The following ARID4A variants were observed in gnomAD, a reference collection of about 807,000 sequenced individuals.
ARID4A encodes AT-rich interaction domain 4A, also known as AT-rich interactive domain-containing protein 4A.
Under a neutral mutation model 148.6 loss-of-function variants are expected in ARID4A, and 39 were observed. The observed-to-expected ratio is 0.26, with a 90% CI of 0.20 to 0.34. The LOEUF (loss-of-function observed/expected upper bound fraction) is 0.34. Ranked by LOEUF, ARID4A falls within the 10% of genes least tolerant of loss-of-function variation. ARID4A has a pLI of 1.00. For synonymous variants in ARID4A, 475 were observed against 481.2 expected (o/e 0.99, Z 0.17); for missense variants, 1,265 against 1,449.1 (o/e 0.87, Z 2.06).
intron 11 of ARID4A, among the ~76,000 whole-genome samples, chr14:58,341,155 C>T (rs1407754699): frequency 3.3e-5 from 5 of 152,128 alleles, no homozygotes; most frequent in East Asian, 1.9e-4. Flanking sequence ...TTCAGGCATG[C>T]GTTCTCTTCC....
chr14:58,338,687 A>G lies in ARID4A; in HGVS notation c.907-6008A>G, dbSNP rs181950444. Reference sequence around the variant, plus strand: ...AAGAGGGCCAGAAGAGGGACTATAGACAGCATCATAAAGAAATTTAAATTT... The same window carrying G: ...AAGAGGGCCAGAAGAGGGACTATAGGCAGCATCATAAAGAAATTTAAATTT... On this transcript the variant is annotated intron_variant, in intron 11 of 23. Coordinates refer to ENST00000355431, the MANE Select transcript of ARID4A (RefSeq NM_002892.4). Among the ~76,000 whole-genome samples, 8 of 152,226 alleles carry G rather than the reference A, an allele frequency of 5.3e-5. No individual in the cohort carries two copies. In the East Asian group the frequency reaches 1.5e-3, roughly 29 times the overall value.
At chr14:58,312,375 C>G (rs1281396151) in intron 5 of ARID4A, among the ~76,000 whole-genome samples, 1 of 152,092 alleles carries the variant, frequency 6.6e-6, no homozygotes, top group Non-Finnish European at 1.5e-5. Flanking sequence ...TACCATCACC[C>G]TGGCTAATTT....
At chr14:58,370,422 G>A (rs967385284) in intron 23 of ARID4A, among the ~76,000 whole-genome samples, 3 of 151,992 alleles carry the variant, frequency 2.0e-5, no homozygotes, top group Non-Finnish European at 2.9e-5. Context: ...TCAGCCTCCC[G>A]GGTAGCTGGG....
chr14:58,327,184 C>T (rs897248643), intron 8 of ARID4A, among the ~76,000 whole-genome samples: 2 of 152,192 alleles, frequency 1.3e-5, no homozygotes, highest in Non-Finnish European at 2.9e-5. Flanking sequence ...GCACCAGCCA[C>T]ATTTCAAGTG....
chr14:58,317,789 C>T (rs1376633847), intron 5 of ARID4A, among the ~76,000 whole-genome samples: 17 of 151,824 alleles, frequency 1.1e-4, no homozygotes, highest in South Asian at 2.1e-4. Context: ...TGAGCCACCA[C>T]GCCTGCCCTA....
At chr14:58,345,134 C>T (rs2034297993) in intron 12 of ARID4A, among the ~76,000 whole-genome samples, 3 of 152,168 alleles carry the variant, frequency 2.0e-5, no homozygotes, top group Admixed American at 2.0e-4. Context: ...TTACCTCTGC[C>T]TCCCAAAGTG....
intron 3 of ARID4A, among the ~76,000 whole-genome samples, chr14:58,303,955 C>T (rs1243618833): frequency 6.6e-6 from 1 of 151,472 alleles, no homozygotes; most frequent in Non-Finnish European, 1.5e-5. Flanking sequence ...AGTAAAAATA[C>T]AAAAAATTAG....
intron 7 of ARID4A, among the ~76,000 whole-genome samples, chr14:58,321,187 A>G (rs1227912461): frequency 6.6e-6 from 1 of 152,178 alleles, no homozygotes; most frequent in Non-Finnish European, 1.5e-5. Flanking sequence ...CTTTGAGACT[A>G]TTTAAATATT....
intron 19 of ARID4A, among the ~76,000 whole-genome samples, chr14:58,363,374 T>A (rs947072415): frequency 6.6e-6 from 1 of 152,190 alleles, no homozygotes; most frequent in Non-Finnish European, 1.5e-5. Context: ...TTAAGAATAT[T>A]TAAAGTTTTG....
At chr14:58,299,887 C>T (rs1269574171) in intron 2 of ARID4A, 27 bp downstream of exon 2, 2 of 1,614,160 alleles carry the variant, frequency 1.2e-6, no homozygotes, top group East Asian at 4.5e-5. Context: ...CTGCCCCGAT[C>T]CTCGCGCCCT....
chr14:58,310,080 A>C (rs2031905764), intron 5 of ARID4A, among the ~76,000 whole-genome samples: 1 of 152,218 alleles, frequency 6.6e-6, no homozygotes, highest in Admixed American at 6.5e-5. Context: ...AAACAAAAAA[A>C]AGTGTTTAAT....
Position 58,341,843 on chromosome 14 carries a change from G to A in ARID4A, c.907-2852G>A, listed in dbSNP as rs368164765. 3.9e-5 allele frequency among the ~76,000 whole-genome samples: 6 copies of A among 152,292 alleles called. 1 individual carries two copies. The highest frequency in any genetic ancestry group is 2.4e-5 in the African/African-American group (1 of 41,562). Reference sequence around the variant, plus strand: ...TTGGATCTCTGGCATTTTACTGGGTGCATAGTTATTCTTTACATGTATAAA... The same window carrying A: ...TTGGATCTCTGGCATTTTACTGGGTACATAGTTATTCTTTACATGTATAAA... On this transcript the variant is annotated intron_variant, in intron 11 of 23. Coordinates refer to ENST00000355431, the MANE Select transcript of ARID4A (RefSeq NM_002892.4).
chr14:58,356,436 A>T (rs1418339972), intron 17 of ARID4A, among the ~76,000 whole-genome samples: 1 of 152,198 alleles, frequency 6.6e-6, no homozygotes, highest in Non-Finnish European at 1.5e-5. Flanking sequence ...GATACAGTGC[A>T]TACTAGTAGG....
chr14:58,328,211 C>T (rs1399151711), intron 8 of ARID4A, 26 bp from the exon 9 acceptor site: 46 of 1,461,798 alleles, frequency 3.1e-5, no homozygotes, highest in Non-Finnish European at 4.3e-5. Flanking sequence ...AAATAGGAAT[C>T]AATCTGTTCT....
intron 11 of ARID4A, among the ~76,000 whole-genome samples, chr14:58,343,789 C>T (rs766358929): frequency 1.1e-4 from 17 of 151,246 alleles, no homozygotes; most frequent in Non-Finnish European, 2.1e-4. Context: ...GAGGTCGTGC[C>T]ATTACACTCC....
intron 23 of ARID4A, among the ~76,000 whole-genome samples, chr14:58,368,787 T>A (rs1479218106): frequency 6.6e-6 from 1 of 152,210 alleles, no homozygotes; most frequent in East Asian, 1.9e-4. Context: ...TTTATACACA[T>A]AGCCTGAAGG....
At chr14:58,302,310 A>G (rs992093024) in intron 3 of ARID4A, among the ~76,000 whole-genome samples, 1 of 152,202 alleles carries the variant, frequency 6.6e-6, no homozygotes, top group African/African-American at 2.4e-5. Flanking sequence ...CCTGACCAAC[A>G]TGGTGAAATC....
At position 58,307,892 on chromosome 14, in the gene ARID4A, A is replaced by G. The variant is rs575367632; in HGVS notation, c.274+1780A>G. Among the ~76,000 whole-genome samples, 4 of 152,364 alleles carry G rather than the reference A, an allele frequency of 2.6e-5. No individual in the cohort carries two copies. In the South Asian group the frequency reaches 8.3e-4, roughly 32 times the overall value. ...AAATACATCTTTGCTTTATCAAACTAAGACCTGATAAAAATTACAGGTGTG... is the reference window on the plus strand; with the variant it reads ...AAATACATCTTTGCTTTATCAAACTGAGACCTGATAAAAATTACAGGTGTG... On this transcript the variant is annotated intron_variant, in intron 5 of 23. Coordinates refer to ENST00000355431, the MANE Select transcript of ARID4A (RefSeq NM_002892.4).
intron 7 of ARID4A, among the ~76,000 whole-genome samples, chr14:58,319,387 A>T (rs914497056): frequency 2.0e-5 from 3 of 152,048 alleles, no homozygotes; most frequent in Non-Finnish European, 4.4e-5. Flanking sequence ...CGCCAGGCCC[A>T]AAGTTTTTAA....
Sources: gnomAD v4.1 joint callset for allele counts (sites outside exome capture counted in the v4.1 genomes callset) on GRCh38, gnomAD v4.1.1 for gene constraint, MANE v1.5 for transcripts, NCBI Gene and HGNC (gene_info 2026-07-23, HGNC 2026-07-21) for gene names.